APPBP2: variants seen among roughly 807,000 people sequenced by gnomAD.
APPBP2 encodes the protein amyloid protein-binding protein 2.
APPBP2 carries 15 observed loss-of-function variants against 76.0 expected under a neutral mutation model. The observed-to-expected ratio is 0.20, with a 90% CI of 0.13 to 0.30. The LOEUF is 0.30. Among genes scored for constraint, APPBP2 ranks in the 10% least tolerant of loss-of-function variants. The probability of loss-of-function intolerance (pLI) is 1.00; values close to 1 mark genes in which losing one functional copy is unlikely to be tolerated. For synonymous variants in APPBP2, 222 were observed against 242.2 expected (o/e 0.92, Z 0.77); for missense variants, 401 against 687.2 (o/e 0.58, Z 4.66).
intron 1 of APPBP2, among the ~76,000 whole-genome samples, chr17:60,512,707 C>T (rs2090924587): frequency 2.0e-5 from 3 of 151,198 alleles, no homozygotes; most frequent in Non-Finnish European, 4.4e-5. Context: ...TGATGGCACG[C>T]ACCTGTAGTC....
chr17:60,470,752 A>G (rs902678791), intron 4 of APPBP2, among the ~76,000 whole-genome samples: 3 of 141,434 alleles, frequency 2.1e-5, no homozygotes, highest in East Asian at 2.0e-4. Flanking sequence ...TAATTTTCCT[A>G]TTTTTAGTAG....
At chr17:60,475,777 G>A (rs1371614853) in intron 4 of APPBP2, among the ~76,000 whole-genome samples, 1 of 151,426 alleles carries the variant, frequency 6.6e-6, no homozygotes, top group Non-Finnish European at 1.5e-5. Context: ...CATGTCAATG[G>A]TTTAAAAACA....
At chr17:60,486,126 G>A (rs1020824123) in intron 3 of APPBP2, among the ~76,000 whole-genome samples, 2 of 152,178 alleles carry the variant, frequency 1.3e-5, no homozygotes, top group South Asian at 4.1e-4. Context: ...CAACTATGTG[G>A]TCAATTTTGG....
chr17:60,478,750 C>A (rs111346861), intron 4 of APPBP2, among the ~76,000 whole-genome samples: 31 of 152,160 alleles, frequency 2.0e-4, no homozygotes, highest in African/African-American at 6.5e-4. Context: ...GGCAAAACCC[C>A]ATCTCTACTA....
intron 6 of APPBP2, chr17:60,462,394 AT>A: frequency 4.7e-6 from 1 of 212,552 alleles, no homozygotes; most frequent in East Asian, 1.1e-4. Context: ...TTACCACAGC[AT>A]TTTCTAAGGT....
intron 1 of APPBP2, among the ~76,000 whole-genome samples, chr17:60,501,418 T>C (rs1340626291): frequency 3.3e-5 from 5 of 152,210 alleles, no homozygotes; most frequent in Admixed American, 3.3e-4. Flanking sequence ...AGTCTTGCTC[T>C]GTTGCCCAGG....
Position 60,447,654 on chromosome 17 carries a change from G to A in APPBP2, c.1685C>T (p.Thr562Ile). 6.2e-7 allele frequency: 1 copy of A among 1,614,082 alleles called. No individual in the cohort carries two copies. The highest frequency in any genetic ancestry group is 8.5e-7 in the Non-Finnish European group (1 of 1,180,026). Reference protein sequence around the residue: ...SVTDALEDVSTSPQSTEEVVQ... With the variant: ...SVTDALEDVSISPQSTEEVVQ... ...CACTTCTTCAGTGGACTGGGGGCTG[G>A]TGCTGACATCTTCAAGAGCATCTGT... Residue 562 changes from threonine (T) to isoleucine (I), a missense_variant, in exon 13 of 13, where the codon ACC becomes ATC. Physicochemically the swap from Thr to Ile is moderately conservative, Grantham distance 89 (BLOSUM62 -1). Coordinates refer to ENST00000083182, the MANE Select transcript of APPBP2 (RefSeq NM_006380.5).
At chr17:60,457,879 T>C (rs1391683817) in intron 9 of APPBP2, among the ~76,000 whole-genome samples, 2 of 152,256 alleles carry the variant, frequency 1.3e-5, no homozygotes, top group African/African-American at 4.8e-5. Flanking sequence ...CAGAGTAGTA[T>C]GCCAATCACC....
intron 1 of APPBP2, among the ~76,000 whole-genome samples, chr17:60,504,230 G>A (rs909751296): frequency 1.3e-5 from 2 of 152,016 alleles, no homozygotes; most frequent in African/African-American, 4.8e-5. Flanking sequence ...AAACAAAAGG[G>A]AAAACAAGCT....
chr17:60,466,011 A>G (rs1598351542), intron 5 of APPBP2, among the ~76,000 whole-genome samples: 1 of 152,080 alleles, frequency 6.6e-6, no homozygotes, highest in East Asian at 1.9e-4. Flanking sequence ...CTAATTTTCT[A>G]TAGAGGCAGG....
intron 1 of APPBP2, among the ~76,000 whole-genome samples, chr17:60,507,132 G>T (rs910269248): frequency 6.6e-6 from 1 of 152,092 alleles, no homozygotes; most frequent in Non-Finnish European, 1.5e-5. Context: ...ATAATGCTGG[G>T]GTGTGGGCTT....
intron 5 of APPBP2, 33 bp from the exon 6 acceptor site, chr17:60,464,143 G>A (rs923555432): frequency 5.9e-6 from 9 of 1,532,214 alleles, no homozygotes; most frequent in Non-Finnish European, 8.0e-6. Flanking sequence ...AGACAGAACT[G>A]TGGTTAAATC....
chr17:60,452,431 G>C (rs1188417685), intron 11 of APPBP2, among the ~76,000 whole-genome samples: 3 of 152,182 alleles, frequency 2.0e-5, no homozygotes, highest in Non-Finnish European at 2.9e-5. Flanking sequence ...CCAAAATTTA[G>C]TTGAACCTTC....
At chr17:60,484,922 T>C (rs376089464) in intron 3 of APPBP2, among the ~76,000 whole-genome samples, 50 of 152,294 alleles carry the variant, frequency 3.3e-4, no homozygotes, top group African/African-American at 1.1e-3. Context: ...TTATTGAGAG[T>C]TGAATTTTGT....
chr17:60,469,637 CA>C (rs1449706283), intron 4 of APPBP2, among the ~76,000 whole-genome samples: 1 of 152,150 alleles, frequency 6.6e-6, no homozygotes, highest in Non-Finnish European at 1.5e-5. Context: ...TGGAACCATA[CA>C]ATATTTGTCC....
chr17:60,481,345 C>A (rs1262085294), intron 3 of APPBP2, among the ~76,000 whole-genome samples: 7 of 152,108 alleles, frequency 4.6e-5, no homozygotes, highest in Non-Finnish European at 8.8e-5. Context: ...AATTCCAGCA[C>A]TTTTGGAGGC....
At chr17:60,497,013 G>A (rs1300814260) in intron 2 of APPBP2, among the ~76,000 whole-genome samples, 2 of 152,128 alleles carry the variant, frequency 1.3e-5, no homozygotes, top group South Asian at 2.1e-4. Context: ...GAGCCACCAC[G>A]CCCAGCCGAC....
chr17:60,497,281 G>A (rs1327144194), intron 2 of APPBP2, among the ~76,000 whole-genome samples: 2 of 152,246 alleles, frequency 1.3e-5, no homozygotes, highest in East Asian at 3.9e-4. Context: ...ACTTATTTGT[G>A]GGAGCTAAAA....
At chr17:60,492,376 G>A (rs139756162) in intron 3 of APPBP2, among the ~76,000 whole-genome samples, 1 of 152,316 alleles carries the variant, frequency 6.6e-6, no homozygotes, top group Non-Finnish European at 1.5e-5. Context: ...GAGGGCCACT[G>A]TGCTCCAGAC....
Sources: gnomAD v4.1 joint callset for allele counts (sites outside exome capture counted in the v4.1 genomes callset) on GRCh38, gnomAD v4.1.1 for gene constraint, MANE v1.5 for transcripts, NCBI Gene and HGNC (gene_info 2026-07-23, HGNC 2026-07-21) for gene names.